STAU2: variants seen among roughly 807,000 people sequenced by gnomAD.
The protein encoded by STAU2 is staufen double-stranded RNA binding protein 2.
A neutral mutation model predicts 65.9 loss-of-function variants in STAU2; 20 were observed. The ratio of observed to expected loss-of-function variants is 0.30; its 90% CI spans 0.21 to 0.44. The LOEUF (loss-of-function observed/expected upper bound fraction) is 0.44. Ranked by LOEUF, STAU2 falls within the 20% of genes least tolerant of loss-of-function variation. The pLI is 1.00. For synonymous variants in STAU2, 232 were observed against 233.9 expected (o/e 0.99, Z 0.07); for missense variants, 558 against 683.9 (o/e 0.82, Z 2.05).
At position 73,565,647 on chromosome 8, in the gene STAU2, C is replaced by T. The variant is rs182969550; in HGVS notation, c.1223-13328G>A. On this transcript the variant is annotated intron_variant, in intron 12 of 14. Coordinates refer to ENST00000524300, the MANE Select transcript of STAU2 (RefSeq NM_001164380.2). Reference sequence around the variant, plus strand: ...GCAAACATTTATACTTTGATTTAACCCACCACCACCATGACTGCTATCACT... The same window carrying T: ...GCAAACATTTATACTTTGATTTAACTCACCACCACCATGACTGCTATCACT... Among the ~76,000 whole-genome samples the T allele has an allele frequency of 7.9e-5, 12 of 152,090 alleles. 1 individual carries two copies. The East Asian group carries it at 2.3e-3, about 29-fold the overall frequency.
At chr8:73,687,196 T>C (rs1347565503) in intron 5 of STAU2, among the ~76,000 whole-genome samples, 4 of 131,018 alleles carry the variant, frequency 3.1e-5, no homozygotes, top group African/African-American at 1.2e-4. Flanking sequence ...ATACAATATA[T>C]TATAAATTTT....
At chr8:73,495,246 G>A (rs1266303869) in intron 13 of STAU2, among the ~76,000 whole-genome samples, 2 of 151,488 alleles carry the variant, frequency 1.3e-5, no homozygotes, top group East Asian at 3.9e-4. Context: ...CTCTCCAAAG[G>A]TATTTGGTAC....
chr8:73,555,665 A>C (rs4422763), intron 12 of STAU2, among the ~76,000 whole-genome samples: 141,355 of 152,116 alleles, frequency 0.93, 65,697 homozygotes, highest in Middle Eastern at 0.96. Flanking sequence ...GCATTTATAT[A>C]ATATTTGATG....
At chr8:73,592,252 C>T (rs1810878339) in intron 11 of STAU2, among the ~76,000 whole-genome samples, 1 of 151,592 alleles carries the variant, frequency 6.6e-6, no homozygotes, top group Non-Finnish European at 1.5e-5. Flanking sequence ...AATAAATGAT[C>T]AATATCAGAA....
chr8:73,573,349 T>C (rs957560619), intron 12 of STAU2, among the ~76,000 whole-genome samples: 6 of 152,356 alleles, frequency 3.9e-5, no homozygotes, highest in African/African-American at 1.4e-4. Context: ...ATAGATTCAA[T>C]GCCATTCCCA....
chr8:73,544,470 C>A (rs925670286), intron 13 of STAU2, among the ~76,000 whole-genome samples: 1 of 152,180 alleles, frequency 6.6e-6, no homozygotes, highest in African/African-American at 2.4e-5. Context: ...ACAATACACA[C>A]ACATTTTTTT....
At chr8:73,715,082 C>CAAA (rs1157510263) in intron 3 of STAU2, among the ~76,000 whole-genome samples, 3 of 83,856 alleles carry the variant, frequency 3.6e-5, no homozygotes, top group South Asian at 3.6e-4. Flanking sequence ...GACTCCGTCT[C>CAAA]AAAAAAAAAA....
chr8:73,615,921 A>T, intron 7 of STAU2, 139 bp from the exon 8 acceptor site: 1 of 600,078 alleles, frequency 1.7e-6, no homozygotes, highest in Non-Finnish European at 2.9e-6. Context: ...ATTCTCCTGT[A>T]ACCACAGCGG....
intron 5 of STAU2, among the ~76,000 whole-genome samples, chr8:73,680,698 T>C (rs1428335524): frequency 6.6e-6 from 1 of 151,908 alleles, no homozygotes; most frequent in Non-Finnish European, 1.5e-5. Flanking sequence ...GAAAGGCAAC[T>C]TAAAGAAATT....
At chr8:73,506,573 TGTA>T (rs1211884918) in intron 13 of STAU2, among the ~76,000 whole-genome samples, 1 of 152,188 alleles carries the variant, frequency 6.6e-6, no homozygotes. Context: ...TCTTCAGAGT[TGTA>T]ATTGCTGGTG....
intron 6 of STAU2, among the ~76,000 whole-genome samples, chr8:73,649,347 T>C (rs534858206): frequency 2.2e-4 from 33 of 152,210 alleles, no homozygotes; most frequent in Non-Finnish European, 4.1e-4. Flanking sequence ...TAAAGACTTC[T>C]ATTTGTATTT....
chr8:73,720,270 C>CAAAAAAAAAAAAAAA (rs145378789), intron 3 of STAU2, among the ~76,000 whole-genome samples: 2 of 139,804 alleles, frequency 1.4e-5, no homozygotes, highest in African/African-American at 5.6e-5. Flanking sequence ...GACCCTGTCT[C>CAAAAAAAAAAAAAAA]AAAAAAAAAG....
chr8:73,437,356 A>G (rs1204723559), intron 13 of STAU2, among the ~76,000 whole-genome samples: 1 of 152,212 alleles, frequency 6.6e-6, no homozygotes, highest in African/African-American at 2.4e-5. Context: ...AGATAGAGAC[A>G]TGATGATCGG....
intron 12 of STAU2, among the ~76,000 whole-genome samples, chr8:73,558,597 T>C (rs1267031558): frequency 1.3e-5 from 2 of 152,214 alleles, no homozygotes; most frequent in Non-Finnish European, 1.5e-5. Flanking sequence ...GATGTCATGA[T>C]TCTTTCAGAG....
At chr8:73,538,895 T>C (rs1326513163) in intron 13 of STAU2, among the ~76,000 whole-genome samples, 1 of 152,188 alleles carries the variant, frequency 6.6e-6, no homozygotes, top group Non-Finnish European at 1.5e-5. Flanking sequence ...AGAAAGCATT[T>C]CTACCACTAC....
chr8:73,555,681 T>C (rs1020290962), intron 12 of STAU2, among the ~76,000 whole-genome samples: 6 of 152,158 alleles, frequency 3.9e-5, no homozygotes, highest in Admixed American at 2.0e-4. Context: ...TGATGTTGTG[T>C]AATCTAGAGA....
At chr8:73,507,967 A>G (rs1435154389) in intron 13 of STAU2, among the ~76,000 whole-genome samples, 1 of 152,176 alleles carries the variant, frequency 6.6e-6, no homozygotes, top group Non-Finnish European at 1.5e-5. Context: ...CATGGAATTG[A>G]AGAGAGTTAG....
intron 5 of STAU2, among the ~76,000 whole-genome samples, chr8:73,674,605 T>C (rs545614491): frequency 6.6e-6 from 1 of 151,722 alleles, no homozygotes; most frequent in Admixed American, 6.6e-5. Context: ...TAAAGATTTT[T>C]TTAAACCCTG....
At chr8:73,549,513 T>C (rs907655255) in intron 13 of STAU2, 4 of 453,200 alleles carry the variant, frequency 8.8e-6, no homozygotes, top group East Asian at 3.1e-4. Flanking sequence ...CTTGGATACC[T>C]ACATTCAGTT....
Sources: allele counts gnomAD v4.1 joint callset (sites outside exome capture counted in the v4.1 genomes callset), GRCh38; gene constraint gnomAD v4.1.1; transcripts MANE v1.5; gene names NCBI Gene and HGNC (gene_info 2026-07-23, HGNC 2026-07-21).